GOLGB1: variants seen among roughly 807,000 people sequenced by gnomAD.
The protein encoded by GOLGB1 is golgin subfamily B member 1.
A neutral mutation model predicts 336.9 loss-of-function variants in GOLGB1; 174 were observed. That is an observed-to-expected ratio of 0.52 (90% CI 0.46 to 0.59). The LOEUF is 0.59. GOLGB1 is among the 20% of genes least tolerant of loss of function. GOLGB1 has a pLI of 0.00. For synonymous variants in GOLGB1, 1,208 were observed against 1,289.2 expected, an observed-to-expected ratio of 0.94 and a Z score of 1.35; for missense variants, 3,331 against 3,645.3, an observed-to-expected ratio of 0.91 and a Z score of 2.22.
chr3:121,690,877 T>C lies in GOLGB1; in HGVS notation c.8487A>G (p.Leu2829=). Residue 2829 remains leucine, a synonymous_variant, in exon 14 of 22, where the codon CTA becomes CTG. Transcript: ENST00000614479. Reference sequence around the variant, plus strand: ...ACTGCACTTGGTTATAAGAATCTTCTAGTTGTGAGGACAAGTGAAGCAATT... The same window carrying C: ...ACTGCACTTGGTTATAAGAATCTTCCAGTTGTGAGGACAAGTGAAGCAATT... ...DEQLLHLSSQ[L]EDSYNQVQSF... is the part of the protein sequence containing the mutation. 1 of 1,614,148 alleles carries C rather than the reference T, an allele frequency of 6.2e-7. No homozygotes were observed. The highest frequency in any genetic ancestry group is 8.5e-7 in the Non-Finnish European group (1 of 1,179,972).
Position 121,695,328 on chromosome 3 carries a change from T to G in GOLGB1, c.5195A>C (p.Glu1732Ala). The change falls in exon 13 of 22, where the codon GAA becomes GCA. Residue 1732 changes from glutamate (E) to alanine (A), a missense_variant. Physicochemically the swap from Glu to Ala is moderately radical, Grantham distance 107. Coordinates refer to ENST00000614479, the MANE Select transcript of GOLGB1 (RefSeq NM_001366282.2). The part of the protein sequence containing the change: ...LLSSNASMKE[E>A]LERVKMEYET... ...ATACTCCATTTTGACCCTTTCAAGT[T>G]CTTCCTTCATGCTGGCATTGGAAGA... The G allele has an allele frequency of 1.2e-6, 2 of 1,614,188 alleles. No homozygotes were observed. Among genetic ancestry groups the G allele is most frequent in the Non-Finnish European group, 1.7e-6 (2 of 1,180,024 alleles).
chr3:121,729,910 A>G lies in GOLGB1; in HGVS notation c.204T>C (p.Ile68=), dbSNP rs778165258. The change falls in exon 3 of 22, where the codon ATT becomes ATC. Residue 68 remains isoleucine (I), a synonymous_variant. Transcript: ENST00000614479. ...GCTGCAGTTGAACATCCTTCTGTCT[A>G]ATAATATCTTTTAGCTCCACCACCA... ...EQLVVELKDI[I]RQKDVQLQQK... is the part of the protein sequence containing the mutation. 38 of 1,612,024 alleles carry G rather than the reference A, an allele frequency of 2.4e-5. No homozygotes were observed. The highest frequency in any genetic ancestry group is 2.5e-5 in the Non-Finnish European group (29 of 1,178,276).
In GOLGB1 at chr3:121,695,214, C is replaced by T. The variant is rs1127412; in HGVS notation, c.5309G>A (p.Gly1770Asp). The T allele has an allele frequency of 0.23, 375,910 of 1,612,534 alleles. 45,836 individuals are homozygous for T. The highest frequency in any genetic ancestry group is 0.42 in the East Asian group (18,655 of 44,822). Residue 1770 changes from glycine to aspartate, a missense_variant, in exon 13 of 22, where the codon GGT becomes GAT. Gly to Asp is a moderately conservative substitution (Grantham distance 94). Transcript: ENST00000614479. ...EVQDLKHQIE[G>D]NVSKQANLEA... ...TAGGTTAGCTTGTTTAGATACATTACCTTCTATCTGATGCTTTAAATCTTG... is the reference window on the plus strand; with the variant it reads ...TAGGTTAGCTTGTTTAGATACATTATCTTCTATCTGATGCTTTAAATCTTG...
chr3:121,664,745 C>T, intron 21 of GOLGB1, 131 bp from the exon 22 acceptor site: 3 of 939,234 alleles, frequency 3.2e-6, no homozygotes, highest in African/African-American at 1.6e-5. Flanking sequence ...AGGAAAGTTG[C>T]CTCAGAGTCA....
At chr3:121,678,601 TCTGTTGCCCAGGTTAGAGTG>T (rs1000322700) in intron 15 of GOLGB1, among the ~76,000 whole-genome samples, 1 of 151,590 alleles carries the variant, frequency 6.6e-6, no homozygotes, top group Non-Finnish European at 1.5e-5. Context: ...AGGGTCTCAC[TCTGTTGCCCAGGTTAGAGTG>T]CAGTGGCATG....
intron 14 of GOLGB1, among the ~76,000 whole-genome samples, chr3:121,688,459 A>G (rs1235541346): frequency 6.6e-6 from 1 of 152,226 alleles, no homozygotes; most frequent in Non-Finnish European, 1.5e-5. Flanking sequence ...AGGTGCCGGG[A>G]TTGCAGACGG....
intron 1 of GOLGB1, among the ~76,000 whole-genome samples, chr3:121,747,149 GTTATAT>G: frequency 4.0e-5 from 2 of 49,662 alleles, no homozygotes; most frequent in East Asian, 1.3e-3. Context: ...ATACATGGAT[GTTATAT>G]ATATATATAT....
chr3:121,718,533 T>C (rs1365725888), intron 7 of GOLGB1, 32 bp from the exon 8 acceptor site: 14 of 1,332,316 alleles, frequency 1.1e-5, no homozygotes, highest in Non-Finnish European at 1.5e-5. Flanking sequence ...CATAATATGC[T>C]AACAAATGAG....
intron 10 of GOLGB1, among the ~76,000 whole-genome samples, chr3:121,705,157 C>G (rs1943707577): frequency 1.3e-5 from 2 of 152,226 alleles, no homozygotes; most frequent in South Asian, 4.1e-4. Context: ...ACTGTGGCAT[C>G]AGGAATAGGG....
chr3:121,729,232 T>C lies in GOLGB1; in HGVS notation c.358A>G (p.Thr120Ala). The change falls in exon 4 of 22, where the codon ACT (threonine) becomes GCT (alanine). Residue 120 changes from threonine (T) to alanine (A), a missense_variant. By Grantham distance (58) the Thr-to-Ala change is moderately conservative. Coordinates refer to ENST00000614479, the MANE Select transcript of GOLGB1 (RefSeq NM_001366282.2). ...YIEEMKAQGG[T>A]VLPTEPQSEE... is the part of the protein sequence containing the mutation. ...GACTGAGGTTCTGTAGGCAGAACAGTCCCTCCTTGTGCTTTCATTTCTTCT... is the reference window on the plus strand; with the variant it reads ...GACTGAGGTTCTGTAGGCAGAACAGCCCCTCCTTGTGCTTTCATTTCTTCT... The C allele has an allele frequency of 6.2e-7, 1 of 1,612,888 alleles. No homozygotes were observed. The highest frequency in any genetic ancestry group is 8.5e-7 in the Non-Finnish European group (1 of 1,179,042).
Position 121,664,148 on chromosome 3 carries a change from G to A in GOLGB1, c.*332C>T, listed in dbSNP as rs770694356. Reference sequence around the variant, plus strand: ...TTTATTGAAACCATCCTCTTGGCTTGGCTGAAAGACATTCCTCAGTATCTT... The same window carrying A: ...TTTATTGAAACCATCCTCTTGGCTTAGCTGAAAGACATTCCTCAGTATCTT... On this transcript the variant is annotated 3_prime_UTR_variant, in exon 22 of 22. Transcript: ENST00000614479. 2 of 264,528 alleles carry A rather than the reference G, an allele frequency of 7.6e-6. No homozygotes were observed. The highest frequency in any genetic ancestry group is 7.3e-6 in the Non-Finnish European group (1 of 137,344). 16.4% of individuals were successfully genotyped at this position (264,528 alleles called of 1,614,324 possible).
intron 7 of GOLGB1, among the ~76,000 whole-genome samples, chr3:121,719,177 G>A (rs1017836991): frequency 1.3e-5 from 2 of 152,146 alleles, no homozygotes; most frequent in Non-Finnish European, 2.9e-5. Context: ...TTAGTAGATG[G>A]TGAACTCAAA....
Position 121,694,806 on chromosome 3 carries a change from AT to A in GOLGB1, c.5716del (p.Ile1906SerfsTer11). 6.2e-7 allele frequency: 1 copy of A among 1,613,506 alleles called. No homozygotes were observed. Among genetic ancestry groups the A allele is most frequent in the Non-Finnish European group, 8.5e-7 (1 of 1,179,922 alleles). Reference sequence around the variant, plus strand: ...GGTAACTCTGGAGAGTTCTTCTTGGATTTGCTGATTTAACAGGTTCATTTTG... The same window carrying A: ...GGTAACTCTGGAGAGTTCTTCTTGGATTGCTGATTTAACAGGTTCATTTTG... ...VTKMNLLNQQ[I>X]QEELSRVTKL... is the part of the protein sequence containing the mutation. On this transcript the variant is annotated frameshift_variant, in exon 13 of 22. Coordinates refer to ENST00000614479, the MANE Select transcript of GOLGB1 (RefSeq NM_001366282.2). LOFTEE classifies it high-confidence loss of function.
rs1176002690 is a variant in GOLGB1 at position 121,667,548 on chromosome 3, A to C, written c.9482T>G (p.Leu3161Arg). Residue 3161 changes from leucine to arginine, a missense_variant, in exon 20 of 22, where the codon CTG becomes CGG. Coordinates refer to ENST00000614479, the MANE Select transcript of GOLGB1 (RefSeq NM_001366282.2). ...TRQEVNELRK[L>R]LEEERDQRVA... ...TCTTTGGTCTCGTTCTTCTTCCAGC[A>C]GCTTCCTTAATTCATTCACTTCCTG... The C allele has an allele frequency of 6.2e-7, 1 of 1,614,046 alleles. No individual in the cohort carries two copies. The highest frequency in any genetic ancestry group is 2.2e-5 in the East Asian group (1 of 44,888).
intron 10 of GOLGB1, among the ~76,000 whole-genome samples, chr3:121,706,238 A>C (rs1025125934): frequency 6.6e-6 from 1 of 152,188 alleles, no homozygotes; most frequent in Non-Finnish European, 1.5e-5. Flanking sequence ...GTAGGGAGTC[A>C]GAAAAATATA....
rs924822063 is a variant in GOLGB1 at position 121,701,205 on chromosome 3, C to G, written c.1519+1276G>C. On this transcript the variant is annotated intron_variant, in intron 11 of 21. Coordinates refer to ENST00000614479, the MANE Select transcript of GOLGB1 (RefSeq NM_001366282.2). ...TACAGAAAACCTTAAGGTCAGTGATCCCTGCAGGAAAGAGCAAAGGAATGG... is the reference window on the plus strand; with the variant it reads ...TACAGAAAACCTTAAGGTCAGTGATGCCTGCAGGAAAGAGCAAAGGAATGG... Among the ~76,000 whole-genome samples the G allele has an allele frequency of 2.0e-5, 3 of 152,248 alleles. No individual in the cohort carries two copies. The East Asian group carries it at 5.8e-4, about 29-fold the overall frequency.
At chr3:121,678,869 G>A (rs1445478241) in intron 15 of GOLGB1, among the ~76,000 whole-genome samples, 1 of 152,002 alleles carries the variant, frequency 6.6e-6, no homozygotes, top group Non-Finnish European at 1.5e-5. Flanking sequence ...AATTTATTAA[G>A]GCAGCATGAA....
chr3:121,673,225 C>T (rs766549372), intron 17 of GOLGB1, among the ~76,000 whole-genome samples: 5 of 152,170 alleles, frequency 3.3e-5, no homozygotes, highest in Non-Finnish European at 7.4e-5. Context: ...CCCGCCATCA[C>T]GCCCAGCTAA....
chr3:121,742,128 T>C (rs1031467995), intron 1 of GOLGB1, among the ~76,000 whole-genome samples: 2 of 152,164 alleles, frequency 1.3e-5, no homozygotes, highest in Non-Finnish European at 2.9e-5. Flanking sequence ...TTAAAGTTCA[T>C]ATGGAACCAA....
Sources: allele counts gnomAD v4.1 joint callset (sites outside exome capture counted in the v4.1 genomes callset), GRCh38; gene constraint gnomAD v4.1.1; transcripts MANE v1.5; gene names NCBI Gene and HGNC (gene_info 2026-07-23, HGNC 2026-07-21).